Variants in SORT1 observed in about 807,000 individuals in gnomAD.
The protein encoded by SORT1 is sortilin 1.
A neutral mutation model predicts 101.7 loss-of-function variants in SORT1; 39 were observed. The ratio of observed to expected loss-of-function variants is 0.38; its 90% CI spans 0.30 to 0.50. The LOEUF is 0.50. Among genes scored for constraint, SORT1 ranks in the 20% least tolerant of loss-of-function variants. The probability of loss-of-function intolerance (pLI) is 0.90; values close to 1 mark genes in which losing one functional copy is unlikely to be tolerated. For synonymous variants in SORT1, 396 were observed against 393.7 expected (o/e 1.01, Z -0.07); for missense variants, 878 against 1,040.4 (o/e 0.84, Z 2.15).
At chr1:109,375,868 T>C (rs1651800353) in intron 1 of SORT1, among the ~76,000 whole-genome samples, 1 of 152,138 alleles carries the variant, frequency 6.6e-6, no homozygotes, top group Non-Finnish European at 1.5e-5. Flanking sequence ...TGAAACTATT[T>C]TTCAAAAATG....
In SORT1 at chr1:109,311,794, A is replaced by G. The variant is rs1658744077; in HGVS notation, c.*2249T>C. 1 of 152,410 alleles carries G rather than the reference A, an allele frequency of 6.6e-6. No homozygotes were observed. Among genetic ancestry groups the G allele is most frequent in the Admixed American group, 6.5e-5 (1 of 15,290 alleles). The allele number at this position is 152,410 out of a possible 1,614,324, so 9.4% of individuals were successfully genotyped here. A position where few individuals can be genotyped will look rare whatever the true frequency, so the allele number is the denominator to read the frequency against. ...CTGATCCCTGTCATAAAGAACAGCA[A>G]GTCATCTACAAGAAGGCAGCCTTGC... is the stretch of plus-strand genomic sequence containing the variant. On this transcript the variant is annotated 3_prime_UTR_variant, in exon 20 of 20. Coordinates refer to ENST00000256637, the MANE Select transcript of SORT1 (RefSeq NM_002959.7).
chr1:109,327,468 A>T, intron 12 of SORT1, 31 bp downstream of exon 12: 1 of 1,351,344 alleles, frequency 7.4e-7, no homozygotes, highest in East Asian at 2.3e-5. Flanking sequence ...CCACTGTTCC[A>T]GTTGGAGGTG....
chr1:109,316,982 A>G (rs775054247), intron 16 of SORT1, 24 bp from the exon 17 acceptor site: 1 of 1,447,584 alleles, frequency 6.9e-7, no homozygotes, highest in Non-Finnish European at 9.6e-7. Context: ...AAGATTTGGT[A>G]ACAGAAGATA....
chr1:109,395,649 G>T (rs1370365099), intron 1 of SORT1, among the ~76,000 whole-genome samples: 1 of 152,204 alleles, frequency 6.6e-6, no homozygotes, highest in East Asian at 1.9e-4. Flanking sequence ...CAAAGAATGA[G>T]TGGTTTTAGG....
At chr1:109,355,641 A>ACCCCCCCCCCCCCCCC (rs529686433) in intron 3 of SORT1, among the ~76,000 whole-genome samples, 172 bp from the exon 4 acceptor site, 5 of 84,156 alleles carry the variant, frequency 5.9e-5, no homozygotes, top group South Asian at 5.0e-4. Flanking sequence ...AGAACATTCC[A>ACCCCCCCCCCCCCCCC]CCCGCCCCCC....
intron 8 of SORT1, among the ~76,000 whole-genome samples, chr1:109,345,404 A>C (rs746584435): frequency 6.6e-6 from 1 of 152,216 alleles, no homozygotes; most frequent in East Asian, 1.9e-4. Flanking sequence ...AGTCCCACTT[A>C]CTTGGGAGGT....
chr1:109,377,043 C>T (rs1651904421), intron 1 of SORT1, among the ~76,000 whole-genome samples: 1 of 152,184 alleles, frequency 6.6e-6, no homozygotes, highest in South Asian at 2.1e-4. Flanking sequence ...CACTGTAAAA[C>T]CAACCATTCT....
In SORT1 at chr1:109,333,851, A is replaced by G. The variant is rs147270648; in HGVS notation, c.1371+2389T>C. Among the ~76,000 whole-genome samples the G allele has an allele frequency of 1.1e-3, 168 of 152,366 alleles. 3 individuals are homozygous for G. In the East Asian group the frequency reaches 0.03, roughly 28 times the overall value. ...ATACCGTAAGAAATTTTCCTAGAAA[A>G]TGAATAACAGCAGGGCCGAGCATGG... On this transcript the variant is annotated intron_variant, in intron 11 of 19. Transcript: ENST00000256637.
intron 1 of SORT1, among the ~76,000 whole-genome samples, chr1:109,383,989 G>A (rs564376922): frequency 1.4e-3 from 208 of 152,250 alleles, no homozygotes; most frequent in African/African-American, 4.8e-3. Flanking sequence ...CATCATTACC[G>A]AAGTGCGGGG....
rs568202797 is a variant in SORT1, at chr1:109,354,633, T to C, written c.544-102A>G. On this transcript the variant is annotated intron_variant, in intron 4 of 19. Transcript: ENST00000256637. The stretch of plus-strand genomic sequence containing the variant: ...CCAGACATTAGTTAAGAAATTTTAG[T>C]TCTAGAAATAAGAAGAGTTATAAAA... The C allele has an allele frequency of 2.2e-5, 19 of 862,020 alleles. No homozygotes were observed. In the African/African-American group the frequency reaches 2.7e-4, roughly 12 times the overall value. The allele number at this position is 862,020 out of a possible 1,614,324, so 53.4% of individuals were successfully genotyped here.
chr1:109,349,784 A>G (rs1467438737), intron 6 of SORT1, among the ~76,000 whole-genome samples: 2 of 152,118 alleles, frequency 1.3e-5, no homozygotes, highest in Non-Finnish European at 2.9e-5. Flanking sequence ...GAACAAGAAC[A>G]TTTCTAGAAA....
chr1:109,385,617 T>C (rs988073989), intron 1 of SORT1, among the ~76,000 whole-genome samples: 2 of 152,194 alleles, frequency 1.3e-5, no homozygotes, highest in Non-Finnish European at 2.9e-5. Context: ...CCCTTGGGTG[T>C]GGGCGCTAAC....
intron 15 of SORT1, among the ~76,000 whole-genome samples, chr1:109,321,383 T>G (rs2101537844): frequency 6.6e-6 from 1 of 152,218 alleles, no homozygotes; most frequent in African/African-American, 2.4e-5. Context: ...GAGCATCATG[T>G]GCGGTGGCAT....
intron 7 of SORT1, among the ~76,000 whole-genome samples, chr1:109,346,146 C>G (rs766690252): frequency 6.6e-5 from 10 of 151,436 alleles, no homozygotes; most frequent in Non-Finnish European, 1.3e-4. Flanking sequence ...CCCATCTGTA[C>G]TAAAAATACA....
chr1:109,327,050 C>A lies in SORT1; in HGVS notation c.1585G>T (p.Asp529Tyr). The A allele has an allele frequency of 6.2e-7, 1 of 1,612,932 alleles. No individual in the cohort carries two copies. The highest frequency in any genetic ancestry group is 8.5e-7 in the Non-Finnish European group (1 of 1,179,988). The stretch of plus-strand genomic sequence containing the variant: ...ATGGCCACAATGATGCCTCCAGAAT[C>A]CAGGATGGTGTAATAGTGGGGTCCT... ...LEGPHYYTIL[D>Y]SGGIIVAIEH... is the part of the protein sequence containing the mutation. Residue 529 changes from aspartate (D) to tyrosine (Y), a missense_variant, in exon 13 of 20, where the codon GAT becomes TAT. Asp to Tyr is a radical substitution (Grantham distance 160). Transcript: ENST00000256637.
chr1:109,331,629 T>C (rs957682012), intron 11 of SORT1, among the ~76,000 whole-genome samples: 1 of 152,140 alleles, frequency 6.6e-6, no homozygotes, highest in South Asian at 2.1e-4. Flanking sequence ...AAGACAAAGA[T>C]GCCCATTCTC....
rs760130757 is a variant in SORT1 at position 109,367,492 on chromosome 1, A to G, written c.367-11T>C. The G allele has an allele frequency of 3.2e-6, 5 of 1,540,222 alleles. No homozygotes were observed. The highest frequency in any genetic ancestry group is 1.4e-5 in the African/African-American group (1 of 73,328). ...CAAGACTAGAATGACCTGGAGAGAG[A>G]AAAAAGCATTCCGTAAATAAAAAAG... On this transcript the variant is annotated splice_polypyrimidine_tract_variant and intron_variant, in intron 2 of 19. Coordinates refer to ENST00000256637, the MANE Select transcript of SORT1 (RefSeq NM_002959.7).
chr1:109,381,455 T>G (rs564714391), intron 1 of SORT1, among the ~76,000 whole-genome samples: 2 of 152,274 alleles, frequency 1.3e-5, no homozygotes, highest in Non-Finnish European at 2.9e-5. Flanking sequence ...AAAAAAATCT[T>G]AAAAAACCCA....
At chr1:109,384,787 A>T (rs1652471357) in intron 1 of SORT1, among the ~76,000 whole-genome samples, 1 of 152,142 alleles carries the variant, frequency 6.6e-6, no homozygotes, top group Non-Finnish European at 1.5e-5. Flanking sequence ...ACAGAAAAGA[A>T]ATAGGACCAG....
Sources: allele counts gnomAD v4.1 joint callset (sites outside exome capture counted in the v4.1 genomes callset), GRCh38; gene constraint gnomAD v4.1.1; transcripts MANE v1.5; gene names NCBI Gene and HGNC (gene_info 2026-07-23, HGNC 2026-07-21).